AK9: variants seen among roughly 807,000 people sequenced by gnomAD.
The protein encoded by AK9 is adenylate kinase 9, also known as adenylate kinase domain containing 1.
AK9 carries 191 observed loss-of-function variants against 239.6 expected under a neutral mutation model. That is an observed-to-expected ratio of 0.80 (90% CI 0.71 to 0.90). The LOEUF (loss-of-function observed/expected upper bound fraction) is 0.90. AK9 is among the 40% of genes least tolerant of loss of function. AK9 has a pLI of 0.00. For missense variants in AK9, 1,995 were observed against 2,214.7 expected (o/e 0.90, Z 1.99); for synonymous variants, 689 against 721.0 (o/e 0.96, Z 0.71).
intron 25 of AK9, chr6:109,549,594 T>A (rs1382313049): frequency 6.6e-6 from 1 of 151,930 alleles, no homozygotes; most frequent in Non-Finnish European, 1.5e-5. Context: ...AAGTCATTAC[T>A]AAAGAAATCA....
At chr6:109,557,199 T>C (rs1261318343) in intron 24 of AK9, among the ~76,000 whole-genome samples, 2 of 152,136 alleles carry the variant, frequency 1.3e-5, no homozygotes, top group Admixed American at 1.3e-4. Context: ...TTGATGCTGT[T>C]GTTGTCACTT....
intron 17 of AK9, among the ~76,000 whole-genome samples, chr6:109,602,074 C>T (rs1324811975): frequency 2.0e-5 from 3 of 152,146 alleles, no homozygotes; most frequent in African/African-American, 7.2e-5. Flanking sequence ...AGCCCATTTA[C>T]ATTTAAGGTT....
chr6:109,644,425 T>A, intron 9 of AK9, 189 bp downstream of exon 9: 2 of 450,542 alleles, frequency 4.4e-6, no homozygotes, highest in Non-Finnish European at 7.5e-6. Flanking sequence ...TAAATTCGAA[T>A]GTAGTTTTGA....
intron 38 of AK9, 115 bp downstream of exon 38, chr6:109,497,350 A>ACC: frequency 1.6e-6 from 1 of 633,072 alleles, no homozygotes; most frequent in Non-Finnish European, 2.8e-6. Flanking sequence ...ACACACACAC[A>ACC]CACACACACA....
At chr6:109,521,280 C>T (rs1201455511) in intron 29 of AK9, among the ~76,000 whole-genome samples, 1 of 152,086 alleles carries the variant, frequency 6.6e-6, no homozygotes, top group Non-Finnish European at 1.5e-5. Flanking sequence ...GTTCCTCTTT[C>T]CTGCCAGTGA....
rs191725201 is a variant in AK9, at chr6:109,523,865, T to C, written c.3633+5146A>G. 8.5e-5 allele frequency among the ~76,000 whole-genome samples: 13 copies of C among 152,298 alleles called. No homozygotes were observed. The East Asian group carries it at 2.3e-3, about 27-fold the overall frequency. On this transcript the variant is annotated intron_variant, in intron 29 of 40. Transcript: ENST00000424296. ...AGGCATGACAGAATTTTAAAGTTTA[T>C]CTTACCAAGTTAATTGCCTGCTAAA...
In AK9 at chr6:109,664,348, G is replaced by C. The variant is rs1048956729; in HGVS notation, c.332-1685C>G. Among the ~76,000 whole-genome samples, 47 of 152,126 alleles carry C rather than the reference G, an allele frequency of 3.1e-4. 1 individual carries two copies. Among genetic ancestry groups the C allele is most frequent in the Non-Finnish European group, 3.2e-4 (22 of 68,020 alleles). On this transcript the variant is annotated intron_variant, in intron 5 of 40. Coordinates refer to ENST00000424296, the MANE Select transcript of AK9 (RefSeq NM_001145128.3). ...TTACCAAGCACCTGTTGATAGACGA[G>C]TGAATGAATGTGTGTAAAACAAACT...
chr6:109,675,637 C>T lies in AK9; in HGVS notation c.109G>A (p.Gly37Arg). The T allele has an allele frequency of 6.5e-7, 1 of 1,531,052 alleles. No homozygotes were observed. The highest frequency in any genetic ancestry group is 8.8e-7 in the Non-Finnish European group (1 of 1,138,606). The allele number at this position is 1,531,052 out of a possible 1,614,324, so 94.8% of individuals were successfully genotyped here. A position where few individuals can be genotyped will look rare whatever the true frequency, so the allele number is the denominator to read the frequency against. The change falls in exon 2 of 41, where the codon GGG becomes AGG. Residue 37 changes from glycine (G) to arginine (R), a missense_variant. This residue lies in a region of AK9 where 252 missense variants were observed against 246.4 expected (regional missense o/e 1.02). Transcript: ENST00000424296. ...LSKPVCFVVF[G>R]KPGVGKTTLA... ...AATAAGAGATAACTTACTGGTTTCC[C>T]AAATACAACAAAGCAAACAGGTTTG... is the stretch of plus-strand genomic sequence containing the variant.
chr6:109,550,865 AC>A (rs1308599638), intron 24 of AK9, among the ~76,000 whole-genome samples: 3 of 152,226 alleles, frequency 2.0e-5, no homozygotes. Context: ...CAAGGGAAAT[AC>A]ACTTAAAAAA....
At chr6:109,647,494 G>A (rs1020319311) in intron 8 of AK9, among the ~76,000 whole-genome samples, 1 of 152,168 alleles carries the variant, frequency 6.6e-6, no homozygotes, top group African/African-American at 2.4e-5. Flanking sequence ...GACAAGGAAG[G>A]CCATTACATA....
rs375377371 is a variant in AK9, at chr6:109,629,080, G to T, written c.1254+3843C>A. Among the ~76,000 whole-genome samples, 4 of 152,142 alleles carry T rather than the reference G, an allele frequency of 2.6e-5. No individual in the cohort carries two copies. In the East Asian group the frequency reaches 7.7e-4, roughly 29 times the overall value. ...TTATTATTTCAGTTTCTGAGGGTCA[G>T]AGATAACAATTTTTCATGATTTTAT... is the stretch of plus-strand genomic sequence containing the variant. On this transcript the variant is annotated intron_variant, in intron 12 of 40. Coordinates refer to ENST00000424296, the MANE Select transcript of AK9 (RefSeq NM_001145128.3).
intron 26 of AK9, 132 bp from the exon 27 acceptor site, chr6:109,542,303 C>T: frequency 1.2e-6 from 1 of 807,386 alleles, no homozygotes; most frequent in Non-Finnish European, 1.9e-6. Context: ...TTACCACAGG[C>T]AGGGAAGGGT....
intron 29 of AK9, among the ~76,000 whole-genome samples, chr6:109,521,878 A>G: frequency 6.6e-6 from 1 of 151,912 alleles, no homozygotes; most frequent in Non-Finnish European, 1.5e-5. Flanking sequence ...CCATGTTTCT[A>G]GGGTTTTTTC....
In AK9 at chr6:109,582,851, G is replaced by A. The variant is rs555661516; in HGVS notation, c.2114+2272C>T. Reference sequence around the variant, plus strand: ...TACAACAAACTTCATCATTGTCCTAGTTTAAGAAATTTCCATAGCCACCCC... The same window carrying A: ...TACAACAAACTTCATCATTGTCCTAATTTAAGAAATTTCCATAGCCACCCC... On this transcript the variant is annotated intron_variant, in intron 19 of 40. Transcript: ENST00000424296. 2.4e-4 allele frequency among the ~76,000 whole-genome samples: 36 copies of A among 152,182 alleles called. 2 individuals carry two copies. The South Asian group carries it at 7.2e-3, about 31-fold the overall frequency.
At position 109,514,269 on chromosome 6, in the gene AK9, T is replaced by G. The variant is rs1411396661; in HGVS notation, c.4234A>C (p.Ile1412Leu). The change falls in exon 32 of 41, where the codon ATT (isoleucine) becomes CTT (leucine). Residue 1412 changes from isoleucine to leucine, a missense_variant. Transcript: ENST00000424296. ...RQPKPKPTVP[I>L]RIIIVGPPKS... ...GGAGGCCCCACAATTATAATCCTAA[T>G]GGGCACAGTAGGCTTAGGTTTGGGT... 3.9e-6 allele frequency: 6 copies of G among 1,551,852 alleles called. No homozygotes were observed. The highest frequency in any genetic ancestry group is 5.2e-6 in the Non-Finnish European group (6 of 1,146,962).
intron 29 of AK9, among the ~76,000 whole-genome samples, chr6:109,525,090 C>T (rs1780316329): frequency 1.3e-5 from 2 of 152,068 alleles, no homozygotes; most frequent in Admixed American, 6.6e-5. Context: ...TATGGATAAC[C>T]AGTTATCCCA....
chr6:109,582,474 T>C (rs1314632267), intron 19 of AK9, among the ~76,000 whole-genome samples: 3 of 152,178 alleles, frequency 2.0e-5, no homozygotes, highest in Non-Finnish European at 2.9e-5. Context: ...AGGACTGTAA[T>C]GAAGGAAGTA....
intron 26 of AK9, among the ~76,000 whole-genome samples, chr6:109,542,443 T>A (rs1440472920): frequency 6.6e-6 from 1 of 152,204 alleles, no homozygotes; most frequent in Non-Finnish European, 1.5e-5. Context: ...GTATTGTGTA[T>A]TTCAGGATAA....
intron 29 of AK9, among the ~76,000 whole-genome samples, chr6:109,523,465 A>C (rs1261132109): frequency 2.0e-5 from 3 of 152,306 alleles, no homozygotes; most frequent in African/African-American, 7.2e-5. Flanking sequence ...AACTGTAAAC[A>C]ACACTCCTCT....
Sources: gnomAD v4.1 joint callset for allele counts (sites outside exome capture counted in the v4.1 genomes callset) on GRCh38, gnomAD v4.1.1 for gene constraint, gnomAD v4.1.1 regional missense constraint, MANE v1.5 for transcripts, NCBI Gene and HGNC (gene_info 2026-07-23, HGNC 2026-07-21) for gene names.